MITF: variants seen among roughly 807,000 people sequenced by gnomAD.
MITF encodes the protein melanocyte inducing transcription factor.
MITF carries 17 observed loss-of-function variants against 60.5 expected under a neutral mutation model. The ratio of observed to expected loss-of-function variants is 0.28; its 90% CI spans 0.19 to 0.42. MITF has a LOEUF of 0.42. MITF is among the 10% of genes least tolerant of loss of function. MITF has a pLI of 1.00. For synonymous variants in MITF, 260 were observed against 248.5 expected (o/e 1.05, Z -0.43); for missense variants, 622 against 683.5 (o/e 0.91, Z 1.00).
intron 2 of MITF, among the ~76,000 whole-genome samples, chr3:69,927,419 T>A (rs2065619220): frequency 6.6e-6 from 1 of 151,960 alleles, no homozygotes; most frequent in Non-Finnish European, 1.5e-5. Context: ...ACCTAATGCA[T>A]GTGGGGCTTA....
rs538149169 is a variant in MITF, at chr3:69,786,607, G to A, written c.104+46906G>A. ...TCTTCAAGTTCTTATGGGTTGCACC[G>A]AGATGACTGGTGACAATCCTCGAGT... On this transcript the variant is annotated intron_variant, in intron 1 of 9. Coordinates refer to ENST00000352241, the MANE Select transcript of MITF (RefSeq NM_001354604.2). 1.6e-4 allele frequency among the ~76,000 whole-genome samples: 25 copies of A among 152,174 alleles called. No homozygotes were observed. In the South Asian group the frequency reaches 1.7e-3, roughly 10 times the overall value.
At chr3:69,831,865 T>C (rs2063452840) in intron 1 of MITF, among the ~76,000 whole-genome samples, 1 of 152,142 alleles carries the variant, frequency 6.6e-6, no homozygotes, top group Non-Finnish European at 1.5e-5. Flanking sequence ...GGAGAGTTTG[T>C]TGTGGGAGTC....
intron 2 of MITF, among the ~76,000 whole-genome samples, chr3:69,899,273 C>T (rs757445348): frequency 1.1e-4 from 16 of 152,246 alleles, no homozygotes; most frequent in Middle Eastern, 3.4e-3. Flanking sequence ...AAGTGAGGTC[C>T]AGAGTGGTTA....
intron 1 of MITF, among the ~76,000 whole-genome samples, chr3:69,849,963 A>G (rs2063797990): frequency 6.6e-6 from 1 of 152,312 alleles, no homozygotes; most frequent in Non-Finnish European, 1.5e-5. Flanking sequence ...CTAGTTAAGT[A>G]TTCCAGGGAT....
chr3:69,854,952 C>G (rs1347949910), intron 1 of MITF, among the ~76,000 whole-genome samples: 1 of 152,212 alleles, frequency 6.6e-6, no homozygotes, highest in Admixed American at 6.5e-5. Context: ...TTACCTTCCT[C>G]TTAGTACTTC....
chr3:69,882,193 C>T (rs1559695276), intron 2 of MITF, among the ~76,000 whole-genome samples: 3 of 152,012 alleles, frequency 2.0e-5, no homozygotes, highest in Non-Finnish European at 4.4e-5. Flanking sequence ...ATCTGGTAAA[C>T]TTAGGACTAG....
At chr3:69,845,861 G>A (rs1016943774) in intron 1 of MITF, among the ~76,000 whole-genome samples, 8 of 152,148 alleles carry the variant, frequency 5.3e-5, no homozygotes, top group East Asian at 1.9e-4. Flanking sequence ...TTAGAGCCGC[G>A]AGCTTCCTCG....
intron 2 of MITF, among the ~76,000 whole-genome samples, chr3:69,903,612 T>C (rs2107358632): frequency 1.3e-5 from 2 of 152,154 alleles, no homozygotes; most frequent in Middle Eastern, 3.4e-3. Context: ...GCCTTGTCAC[T>C]GGGGGCTTTT....
chr3:69,966,168 A>T lies in MITF; in HGVS notation c.*920A>T, dbSNP rs950172349. ...TAAATTATGTTTTACTGTTCATTTGATTTGTACAGATTCTTTATTATCATT... is the reference window on the plus strand; with the variant it reads ...TAAATTATGTTTTACTGTTCATTTGTTTTGTACAGATTCTTTATTATCATT... On this transcript the variant is annotated 3_prime_UTR_variant, in exon 10 of 10. Coordinates refer to ENST00000352241, the MANE Select transcript of MITF (RefSeq NM_001354604.2). The T allele has an allele frequency of 8.6e-6, 2 of 232,210 alleles. No homozygotes were observed. The highest frequency in any genetic ancestry group is 6.1e-5 in the East Asian group (1 of 16,358). The allele number at this position is 232,210 out of a possible 1,614,324, so 14.4% of individuals were successfully genotyped here.
At chr3:69,876,417 T>TC (rs1302070655) in intron 1 of MITF, among the ~76,000 whole-genome samples, 1 of 151,684 alleles carries the variant, frequency 6.6e-6, no homozygotes, top group African/African-American at 2.4e-5. Flanking sequence ...CCCCCGCGCT[T>TC]CCCCCCGCCA....
intron 1 of MITF, chr3:69,769,493 G>A (rs1373518039): frequency 2.0e-5 from 3 of 150,806 alleles, no homozygotes; most frequent in East Asian, 1.9e-4. Flanking sequence ...TTTTTGATAC[G>A]GGGCCTTGCT....
intron 2 of MITF, among the ~76,000 whole-genome samples, chr3:69,925,021 A>AT (rs1159346340): frequency 5.3e-5 from 8 of 151,814 alleles, no homozygotes; most frequent in African/African-American, 1.2e-4. Flanking sequence ...GTGGCTTTAT[A>AT]TTTTTTTTGA....
At chr3:69,856,233 T>C (rs1329178373) in intron 1 of MITF, among the ~76,000 whole-genome samples, 3 of 152,216 alleles carry the variant, frequency 2.0e-5, no homozygotes, top group African/African-American at 7.2e-5. Flanking sequence ...ATTTTAGCTA[T>C]TCTCATGCTA....
intron 4 of MITF, among the ~76,000 whole-genome samples, chr3:69,940,970 A>C (rs2065954742): frequency 6.6e-6 from 1 of 152,202 alleles, no homozygotes; most frequent in Non-Finnish European, 1.5e-5. Context: ...TTAGCCTATG[A>C]AAATCCTCGA....
intron 1 of MITF, among the ~76,000 whole-genome samples, chr3:69,810,066 C>G (rs1035992056): frequency 6.6e-6 from 1 of 152,032 alleles, no homozygotes; most frequent in African/African-American, 2.4e-5. Context: ...TTTCAGTTTT[C>G]TTGTATGTGC....
chr3:69,814,141 A>G (rs2063143883), intron 1 of MITF, among the ~76,000 whole-genome samples: 1 of 151,632 alleles, frequency 6.6e-6, no homozygotes, highest in Non-Finnish European at 1.5e-5. Context: ...AAAAAGTGCA[A>G]CTCTCTGCCA....
chr3:69,841,517 G>A (rs201792414), intron 1 of MITF, among the ~76,000 whole-genome samples: 5 of 152,192 alleles, frequency 3.3e-5, no homozygotes, highest in African/African-American at 1.2e-4. Flanking sequence ...GAACTGGAAT[G>A]AAAATAGTAA....
chr3:69,762,249 A>G (rs891046367), intron 1 of MITF, among the ~76,000 whole-genome samples: 2 of 152,224 alleles, frequency 1.3e-5, no homozygotes, highest in South Asian at 2.1e-4. Context: ...ATGGTGAGCC[A>G]TATATTTAGT....
intron 2 of MITF, among the ~76,000 whole-genome samples, chr3:69,898,321 A>G (rs2064922941): frequency 6.6e-6 from 1 of 152,242 alleles, no homozygotes; most frequent in Non-Finnish European, 1.5e-5. Flanking sequence ...GGCAAGAAAC[A>G]AAGAGAAGGT....
Sources: allele counts gnomAD v4.1 joint callset (sites outside exome capture counted in the v4.1 genomes callset), GRCh38; gene constraint gnomAD v4.1.1; transcripts MANE v1.5; gene names NCBI Gene and HGNC (gene_info 2026-07-23, HGNC 2026-07-21).